SIAE: variants seen among roughly 807,000 people sequenced by gnomAD.
The protein encoded by SIAE is sialate O-acetylesterase.
A neutral mutation model predicts 52.6 loss-of-function variants in SIAE; 39 were observed. The observed-to-expected ratio is 0.74, with a 90% CI of 0.57 to 0.97. The LOEUF (loss-of-function observed/expected upper bound fraction) is 0.97. Among genes scored for constraint, SIAE ranks in the 50% least tolerant of loss-of-function variants. The probability of loss-of-function intolerance (pLI) is 0.00; values close to 1 mark genes in which losing one functional copy is unlikely to be tolerated. For missense variants in SIAE, 592 were observed against 662.1 expected (o/e 0.89, Z 1.16); for synonymous variants, 233 against 241.4 (o/e 0.97, Z 0.32).
At chr11:124,651,490 G>T (rs996321608) in intron 4 of SIAE, among the ~76,000 whole-genome samples, 5 of 151,524 alleles carry the variant, frequency 3.3e-5, no homozygotes, top group African/African-American at 1.2e-4. Context: ...GGAGGTTGCA[G>T]TGAGCTGAGA....
At chr11:124,640,642 A>G (rs1401810027) in intron 7 of SIAE, among the ~76,000 whole-genome samples, 1 of 152,138 alleles carries the variant, frequency 6.6e-6, no homozygotes, top group South Asian at 2.1e-4. Flanking sequence ...AGTGACCCCA[A>G]TTCTTCACTC....
At chr11:124,668,993 C>A (rs1351521505) in intron 2 of SIAE, among the ~76,000 whole-genome samples, 2 of 152,182 alleles carry the variant, frequency 1.3e-5, no homozygotes, top group Non-Finnish European at 2.9e-5. Context: ...TGATTCAGCT[C>A]AAATACCATC....
chr11:124,651,604 AG>A (rs2134369662), intron 4 of SIAE, among the ~76,000 whole-genome samples: 1 of 152,296 alleles, frequency 6.6e-6, no homozygotes, highest in South Asian at 2.1e-4. Flanking sequence ...ATATGGCAAA[AG>A]ATGGTAAGTA....
intron 7 of SIAE, among the ~76,000 whole-genome samples, chr11:124,646,380 G>A (rs1031171908): frequency 1.3e-5 from 2 of 152,174 alleles, no homozygotes; most frequent in Non-Finnish European, 2.9e-5. Flanking sequence ...CAAATAAAAA[G>A]GGGAAGTAGA....
intron 7 of SIAE, among the ~76,000 whole-genome samples, chr11:124,644,532 C>T (rs1031462624): frequency 6.6e-5 from 10 of 152,296 alleles, no homozygotes; most frequent in African/African-American, 2.4e-4. Flanking sequence ...GCGTACTCCA[C>T]ACCCACATGA....
chr11:124,635,237 T>C lies in SIAE; in HGVS notation c.*1714A>G, dbSNP rs540011499. The C allele has an allele frequency of 1.3e-5, 2 of 152,338 alleles. No individual in the cohort carries two copies. Among genetic ancestry groups the C allele is most frequent in the Admixed American group, 1.3e-4 (2 of 15,302 alleles). 9.4% of individuals were successfully genotyped at this position (152,338 alleles called of 1,614,324 possible). A position where few individuals can be genotyped will look rare whatever the true frequency, so the allele number is the denominator to read the frequency against. ...AGGCATCAATCTGTTACAAGGTTCA[T>C]GGTTTCTATGGGGCCAGATGCATGA... On this transcript the variant is annotated 3_prime_UTR_variant, in exon 10 of 10. Transcript: ENST00000263593.
chr11:124,663,071 G>T (rs544601413), intron 2 of SIAE, among the ~76,000 whole-genome samples: 15 of 152,180 alleles, frequency 9.9e-5, no homozygotes, highest in African/African-American at 3.4e-4. Flanking sequence ...TTGAACCCAG[G>T]AGGTGGAGGT....
intron 1 of SIAE, 94 bp from the exon 2 acceptor site, chr11:124,669,615 G>T: frequency 8.4e-7 from 1 of 1,193,096 alleles, no homozygotes; most frequent in Non-Finnish European, 1.2e-6. Context: ...CAGTCTTTAT[G>T]CAAGAGAATT....
chr11:124,660,160 G>T (rs1943164998), intron 3 of SIAE: 2 of 216,474 alleles, frequency 9.2e-6, no homozygotes, highest in Non-Finnish European at 1.9e-5. Context: ...CATAGTGGCA[G>T]ATGCCTGTAA....
intron 7 of SIAE, among the ~76,000 whole-genome samples, chr11:124,641,351 G>A (rs2134355464): frequency 6.6e-6 from 1 of 152,344 alleles, no homozygotes; most frequent in East Asian, 1.9e-4. Flanking sequence ...AAGATGCAAA[G>A]GTGGGGAGGA....
chr11:124,669,667 C>A (rs1943322236), intron 1 of SIAE, 146 bp from the exon 2 acceptor site: 2 of 759,416 alleles, frequency 2.6e-6, no homozygotes, highest in African/African-American at 1.7e-5. Flanking sequence ...ACTGGCTCTT[C>A]TTCCTCCTAA....
rs866777794 is a variant in SIAE at position 124,645,812 on chromosome 11, A to G, written c.966+1553T>C. ...TGCTACTTTGAAAATAATGAGCAGA[A>G]TAATCTTATTTCAAAGTCAGAACAA... is the stretch of plus-strand genomic sequence containing the variant. On this transcript the variant is annotated intron_variant, in intron 7 of 9. Coordinates refer to ENST00000263593, the MANE Select transcript of SIAE (RefSeq NM_170601.5). The surrounding 1 kb of genome is among the most constrained non-coding windows in gnomAD (Gnocchi z 4.7). Among the ~76,000 whole-genome samples the G allele has an allele frequency of 1.3e-5, 2 of 152,356 alleles. No individual in the cohort carries two copies. The highest frequency in any genetic ancestry group is 4.1e-4 in the South Asian group (2 of 4,834).
At chr11:124,660,098 T>C (rs1218927970) in intron 3 of SIAE, 8 of 173,428 alleles carry the variant, frequency 4.6e-5, no homozygotes, top group Admixed American at 4.6e-4. Flanking sequence ...GAGACAAACC[T>C]GGCCAACATG....
rs770660147 is a variant in SIAE at position 124,637,074 on chromosome 11, G to C, written c.1449C>G (p.Thr483=). 1.2e-6 allele frequency: 2 copies of C among 1,614,042 alleles called. No homozygotes were observed. Among genetic ancestry groups the C allele is most frequent in the African/African-American group, 2.7e-5 (2 of 74,918 alleles). ...ACTGCTTATATTCACAAGGCCACGT[G>C]GTCCAAGCATAGCGGAGAGCAACCA... The part of the protein sequence containing the change: ...GTVVALRYAW[T]TWPCEYKQCP... Residue 483 remains threonine (T), a synonymous_variant, in exon 10 of 10, where the codon ACC becomes ACG. Transcript: ENST00000263593.
At chr11:124,664,813 A>G (rs1247199831) in intron 2 of SIAE, among the ~76,000 whole-genome samples, 1 of 152,208 alleles carries the variant, frequency 6.6e-6, no homozygotes, top group Non-Finnish European at 1.5e-5. Flanking sequence ...AAGGAAAGTT[A>G]TCCATGACCG....
intron 3 of SIAE, 130 bp downstream of exon 3, chr11:124,660,498 G>T: frequency 1.2e-6 from 1 of 849,740 alleles, no homozygotes; most frequent in Non-Finnish European, 2.0e-6. Context: ...AAAGCATTTA[G>T]AACATATCTT....
upstream of SIAE, chr11:124,673,939 C>A: frequency 1.7e-6 from 1 of 581,304 alleles, no homozygotes. Flanking sequence ...GGCACCAGCT[C>A]GGAGAGAAAG....
At position 124,639,592 on chromosome 11, in the gene SIAE, A is replaced by G. The variant is rs1193894085; in HGVS notation, c.1124+118T>C. The stretch of plus-strand genomic sequence containing the variant: ...TGCTGTTGTTACTGCAGCACACCCC[A>G]GCATACGTGACTCTTAAGTGCCAAT... On this transcript the variant is annotated intron_variant, in intron 8 of 9. Coordinates refer to ENST00000263593, the MANE Select transcript of SIAE (RefSeq NM_170601.5). The G allele has an allele frequency of 7.8e-6, 10 of 1,279,740 alleles. No homozygotes were observed. The Admixed American group carries it at 1.7e-4, about 22-fold the overall frequency. The allele number at this position is 1,279,740 out of a possible 1,614,324, so 79.3% of individuals were successfully genotyped here.
chr11:124,660,073 T>A (rs1453336968), intron 3 of SIAE: 1 of 169,192 alleles, frequency 5.9e-6, no homozygotes, highest in Non-Finnish European at 1.3e-5. Flanking sequence ...GTGCATCATC[T>A]GAGGTCAGGA....
Sources: gnomAD v4.1 joint callset for allele counts (sites outside exome capture counted in the v4.1 genomes callset) on GRCh38, gnomAD v4.1.1 for gene constraint, Gnocchi (gnomAD v3.1) non-coding constraint, MANE v1.5 for transcripts, NCBI Gene and HGNC (gene_info 2026-07-23, HGNC 2026-07-21) for gene names.